Variants in LY86 observed in about 807,000 individuals in gnomAD.
LY86 encodes lymphocyte antigen 86, also known as MD-1, RP105-associated.
Under a neutral mutation model 17.3 loss-of-function variants are expected in LY86, and 20 were observed. The observed-to-expected ratio is 1.15, with a 90% CI of 0.81 to 1.68. LY86 has a LOEUF of 1.68. LY86 is among the 40% of genes most tolerant of loss of function. The pLI is 0.00. For synonymous variants in LY86, 74 were observed against 70.6 expected (o/e 1.05, Z -0.24); for missense variants, 200 against 191.9 (o/e 1.04, Z -0.25).
chr6:6,591,422 G>C (rs1242777631), intron 1 of LY86: 1 of 153,832 alleles, frequency 6.5e-6, no homozygotes, highest in African/African-American at 2.4e-5. Context: ...TGTAGTGAAG[G>C]CAGGCATTGT....
At chr6:6,636,656 C>T (rs1761962831) in intron 3 of LY86, among the ~76,000 whole-genome samples, 1 of 152,196 alleles carries the variant, frequency 6.6e-6, no homozygotes, top group Non-Finnish European at 1.5e-5. Context: ...CCCTGGCCCT[C>T]TTGTCCCTGT....
chr6:6,599,391 CA>C (rs1379526591), intron 1 of LY86, among the ~76,000 whole-genome samples: 1 of 152,230 alleles, frequency 6.6e-6, no homozygotes, highest in East Asian at 1.9e-4. Context: ...TACCCTCTAG[CA>C]TTCCATCAGT....
intron 1 of LY86, among the ~76,000 whole-genome samples, chr6:6,614,173 G>A (rs1322822949): frequency 2.0e-5 from 3 of 152,056 alleles, no homozygotes; most frequent in South Asian, 4.2e-4. Context: ...GGAGAGGCAC[G>A]AAGCACACAC....
At chr6:6,603,822 C>T (rs1382443114) in intron 1 of LY86, among the ~76,000 whole-genome samples, 1 of 151,508 alleles carries the variant, frequency 6.6e-6, no homozygotes, top group Non-Finnish European at 1.5e-5. Flanking sequence ...CTAAGAGTTA[C>T]AGTCACAGTA....
intron 4 of LY86, among the ~76,000 whole-genome samples, chr6:6,654,206 C>T (rs976242728): frequency 1.6e-4 from 25 of 152,180 alleles, no homozygotes; most frequent in Non-Finnish European, 3.5e-4. Context: ...GCCTAAATGT[C>T]GTCGTCTCAG....
In LY86 at chr6:6,640,199, A is replaced by G. The variant is rs148213080; in HGVS notation, c.353-9426A>G. Among the ~76,000 whole-genome samples the G allele has an allele frequency of 7.9e-5, 12 of 152,306 alleles. No homozygotes were observed. In the East Asian group the frequency reaches 2.3e-3, roughly 29 times the overall value. Reference sequence around the variant, plus strand: ...CCATTCTTGGCAAAGAAAGATGGTAAGATGGCAAGGAGTCCTTCATCATGT... The same window carrying G: ...CCATTCTTGGCAAAGAAAGATGGTAGGATGGCAAGGAGTCCTTCATCATGT... On this transcript the variant is annotated intron_variant, in intron 3 of 4. Coordinates refer to ENST00000230568, the MANE Select transcript of LY86 (RefSeq NM_004271.4).
chr6:6,605,395 T>C lies in LY86; in HGVS notation c.136+16525T>C, dbSNP rs534895444. ...GGGGGAGCAGCTGCTTCCAAACTCA[T>C]GTGAGTACATCGCAATGAACAGACC... On this transcript the variant is annotated intron_variant, in intron 1 of 4. Transcript: ENST00000230568. Among the ~76,000 whole-genome samples, 4 of 152,338 alleles carry C rather than the reference T, an allele frequency of 2.6e-5. No homozygotes were observed. The South Asian group carries it at 6.2e-4, about 24-fold the overall frequency.
At chr6:6,598,934 C>T (rs1760812313) in intron 1 of LY86, among the ~76,000 whole-genome samples, 1 of 152,184 alleles carries the variant, frequency 6.6e-6, no homozygotes, top group Non-Finnish European at 1.5e-5. Flanking sequence ...ATATTCTGTG[C>T]CATCACTGGA....
rs762763398 is a variant in LY86, at chr6:6,625,055, G to T, written c.223+43G>T. ...TTAGCATGAAATAAAACATTGCACA[G>T]CCTCTTCCAACTCCACACACCCAAT... On this transcript the variant is annotated intron_variant, in intron 2 of 4. Coordinates refer to ENST00000230568, the MANE Select transcript of LY86 (RefSeq NM_004271.4). 1.2e-5 allele frequency: 11 copies of T among 897,574 alleles called. No individual in the cohort carries two copies. The East Asian group carries it at 2.4e-4, about 19-fold the overall frequency. 55.6% of individuals were successfully genotyped at this position (897,574 alleles called of 1,614,324 possible).
rs562134406 is a variant in LY86, at chr6:6,644,870, G to A, written c.353-4755G>A. Among the ~76,000 whole-genome samples, 11 of 152,146 alleles carry A rather than the reference G, an allele frequency of 7.2e-5. No homozygotes were observed. The South Asian group carries it at 2.3e-3, about 32-fold the overall frequency. ...GAGAGGATCTGAGAAAGGATGGAGT[G>A]AAAATTTAATTTTAGGTGTTGTTTT... On this transcript the variant is annotated intron_variant, in intron 3 of 4. Coordinates refer to ENST00000230568, the MANE Select transcript of LY86 (RefSeq NM_004271.4).
intron 2 of LY86, among the ~76,000 whole-genome samples, chr6:6,625,782 G>A (rs968419952): frequency 1.3e-5 from 2 of 152,184 alleles, no homozygotes; most frequent in Non-Finnish European, 2.9e-5. Flanking sequence ...AGCGAGAAAA[G>A]AGAAATAGAA....
At chr6:6,592,010 G>C (rs1760545317) in intron 1 of LY86, among the ~76,000 whole-genome samples, 2 of 152,174 alleles carry the variant, frequency 1.3e-5, no homozygotes, top group African/African-American at 4.8e-5. Flanking sequence ...CCAGGAGGTT[G>C]CATTTTGGAA....
chr6:6,636,254 G>A (rs997277095), intron 3 of LY86, among the ~76,000 whole-genome samples: 1 of 152,206 alleles, frequency 6.6e-6, no homozygotes, highest in Non-Finnish European at 1.5e-5. Flanking sequence ...TACCATTTAT[G>A]TGAACTCAGA....
chr6:6,605,419 C>G (rs1271906497), intron 1 of LY86, among the ~76,000 whole-genome samples: 1 of 152,224 alleles, frequency 6.6e-6, no homozygotes, highest in East Asian at 1.9e-4. Flanking sequence ...AATGAACAGA[C>G]CTCCAAAGAT....
At chr6:6,599,388 T>A (rs1369510098) in intron 1 of LY86, among the ~76,000 whole-genome samples, 3 of 152,212 alleles carry the variant, frequency 2.0e-5, no homozygotes, top group Non-Finnish European at 4.4e-5. Flanking sequence ...ACCTACCCTC[T>A]AGCATTCCAT....
chr6:6,614,587 T>A (rs1042371877), intron 1 of LY86, among the ~76,000 whole-genome samples: 19 of 152,028 alleles, frequency 1.2e-4, no homozygotes, highest in African/African-American at 4.6e-4. Context: ...CATTGGGAGT[T>A]TTTTGCAGGC....
At chr6:6,631,740 T>C (rs1304324886) in intron 3 of LY86, among the ~76,000 whole-genome samples, 5 of 152,330 alleles carry the variant, frequency 3.3e-5, no homozygotes, top group Admixed American at 6.5e-5. Context: ...TTGCAGACCA[T>C]ATGGTCTCTG....
At chr6:6,604,628 T>A (rs2113098035) in intron 1 of LY86, among the ~76,000 whole-genome samples, 1 of 151,744 alleles carries the variant, frequency 6.6e-6, no homozygotes, top group Non-Finnish European at 1.5e-5. Context: ...ATGCTGAAAA[T>A]TTTCCAGAAC....
intron 1 of LY86, among the ~76,000 whole-genome samples, chr6:6,620,613 G>A (rs993678106): frequency 6.6e-6 from 1 of 152,192 alleles, no homozygotes; most frequent in Non-Finnish European, 1.5e-5. Context: ...ATTGGATTTT[G>A]TCTTCTTCCT....
Sources: gnomAD v4.1 joint callset for allele counts (sites outside exome capture counted in the v4.1 genomes callset) on GRCh38, gnomAD v4.1.1 for gene constraint, MANE v1.5 for transcripts, NCBI Gene and HGNC (gene_info 2026-07-23, HGNC 2026-07-21) for gene names.